MAVS: variants seen among roughly 807,000 people sequenced by gnomAD.
MAVS encodes mitochondrial antiviral signaling protein, also known as mitochondrial antiviral-signaling protein.
In MAVS, 20 loss-of-function variants were observed where a neutral mutation model predicts 30.2. The ratio of observed to expected loss-of-function variants is 0.66; its 90% confidence interval spans 0.47 to 0.96. The LOEUF (loss-of-function observed/expected upper bound fraction) is 0.96. Ranked by LOEUF, MAVS falls within the 40% of genes least tolerant of loss-of-function variation. The pLI is 0.00. For synonymous variants in MAVS, 278 were observed against 293.9 expected, an observed-to-expected ratio of 0.95 and a Z score of 0.55; for missense variants, 624 against 701.1, an observed-to-expected ratio of 0.89 and a Z score of 1.24.
intron 1 of MAVS, among the ~76,000 whole-genome samples, chr20:3,852,424 C>T (rs964654548): frequency 2.0e-5 from 3 of 152,236 alleles, no homozygotes; most frequent in East Asian, 1.9e-4. Context: ...CGGGATGATC[C>T]GATTATTATC....
chr20:3,861,743 T>TTGTG (rs111361032), intron 4 of MAVS, among the ~76,000 whole-genome samples: 17,508 of 148,798 alleles, frequency 0.12, 1,268 homozygotes, highest in Non-Finnish European at 0.17. Context: ...GACCACAGTT[T>TTGTG]TGTGTGTGTG....
chr20:3,864,331 C>G lies in MAVS; in HGVS notation c.701C>G (p.Thr234Ser), dbSNP rs768731417. 4 of 1,613,840 alleles carry G rather than the reference C, an allele frequency of 2.5e-6. No homozygotes were observed. The highest frequency in any genetic ancestry group is 3.4e-6 in the Non-Finnish European group (4 of 1,180,018). Residue 234 changes from threonine to serine, a missense_variant, in exon 6 of 7, where the codon ACC becomes AGC. Coordinates refer to ENST00000428216, the MANE Select transcript of MAVS (RefSeq NM_020746.5). ...TCCTTCCAGCCCCTGGCCCGTTCCACCCCCAGGGCAAGCCGCTTGCCTGGA... is the reference window on the plus strand; with the variant it reads ...TCCTTCCAGCCCCTGGCCCGTTCCAGCCCCAGGGCAAGCCGCTTGCCTGGA... ...SVSFQPLARS[T>S]PRASRLPGPT...
intron 3 of MAVS, among the ~76,000 whole-genome samples, chr20:3,858,566 G>A (rs144966725): frequency 0.016 from 2,385 of 151,066 alleles, 116 homozygotes; most frequent in Admixed American, 0.097. Context: ...TCAGGAGGCC[G>A]AGGCAGGAGA....
Position 3,857,672 on chromosome 20 carries a change from G to A in MAVS, c.155G>A (p.Arg52Gln), listed in dbSNP as rs1468044678. 17 of 1,614,014 alleles carry A rather than the reference G, an allele frequency of 1.1e-5. 1 individual carries two copies. In the East Asian group the frequency reaches 3.3e-4, roughly 32 times the overall value. Residue 52 changes from arginine (R) to glutamine (Q), a missense_variant, in exon 3 of 7, where the codon CGG becomes CAG. Coordinates refer to ENST00000428216, the MANE Select transcript of MAVS (RefSeq NM_020746.5). ...GCCACCTGCACACTCTCAGGGAACC[G>A]GGACACCCTCTGGCATCTCTTCAAT... ...LRATCTLSGNRDTLWHLFNTL... is the reference protein window; with the variant it reads ...LRATCTLSGNQDTLWHLFNTL...
At chr20:3,853,220 C>A (rs534810786) in intron 1 of MAVS, among the ~76,000 whole-genome samples, 6 of 148,656 alleles carry the variant, frequency 4.0e-5, no homozygotes, top group Non-Finnish European at 6.0e-5. Context: ...GGCGCGGTGG[C>A]TCACGCCTGT....
In MAVS at chr20:3,862,324, A is replaced by T. The variant is rs143917056; in HGVS notation, c.536A>T (p.Glu179Val). Residue 179 changes from glutamate (E) to valine (V), a missense_variant, in exon 5 of 7, where the codon GAG (glutamate) becomes GTG (valine). Transcript: ENST00000428216. ...IPRNPDGGPL[E>V]SSSDLAALSP... ...AGGAATCCAGATGGTGGCCCCCTGG[A>T]GTCCTCCTCTGACCTGGCAGCCCTC... 4.5e-5 allele frequency: 72 copies of T among 1,614,088 alleles called. No homozygotes were observed. In the South Asian group the frequency reaches 6.8e-4, roughly 15 times the overall value.
At position 3,864,262 on chromosome 20, in the gene MAVS, C is replaced by A; in HGVS notation, c.632C>A (p.Thr211Asn). 6.2e-7 allele frequency: 1 copy of A among 1,603,908 alleles called. No individual in the cohort carries two copies. Among genetic ancestry groups the A allele is most frequent in the African/African-American group, 1.3e-5 (1 of 74,704 alleles). ...TGTGTTTTTCCACCGGCAGGTGCGA[C>A]CTCCAGCCTCACACCATCCCGTGGG... Reference protein sequence around the residue: ...ELGSTHTAGATSSLTPSRGPV... With the variant: ...ELGSTHTAGANSSLTPSRGPV... The change falls in exon 6 of 7, where the codon ACC becomes AAC. Residue 211 changes from threonine to asparagine, a missense_variant. By Grantham distance (65) the Thr-to-Asn change is moderately conservative (BLOSUM62 0). Coordinates refer to ENST00000428216, the MANE Select transcript of MAVS (RefSeq NM_020746.5).
At position 3,862,417 on chromosome 20, in the gene MAVS, T is replaced by C; in HGVS notation, c.625+4T>C. The C allele has an allele frequency of 1.9e-6, 3 of 1,609,590 alleles. No homozygotes were observed. The highest frequency in any genetic ancestry group is 2.5e-6 in the Non-Finnish European group (3 of 1,177,942). On this transcript the variant is annotated splice_donor_region_variant and intron_variant, in intron 5 of 6. Coordinates refer to ENST00000428216, the MANE Select transcript of MAVS (RefSeq NM_020746.5). ...CTGGGCAGTACCCACACAGCAGGTATGCATGGAATCTGGAATTATAGGGTC... is the reference window on the plus strand; with the variant it reads ...CTGGGCAGTACCCACACAGCAGGTACGCATGGAATCTGGAATTATAGGGTC...
chr20:3,849,560 C>G (rs1176382857), intron 1 of MAVS, among the ~76,000 whole-genome samples: 2 of 152,166 alleles, frequency 1.3e-5, no homozygotes, highest in Non-Finnish European at 2.9e-5. Context: ...TTCAAACATG[C>G]CAAGCTCATT....
intron 1 of MAVS, among the ~76,000 whole-genome samples, chr20:3,851,990 C>CTTTTTTTTTTTTTTTTTTTTTTTTT (rs770960832): frequency 2.5e-5 from 2 of 80,488 alleles, no homozygotes; most frequent in African/African-American, 2.4e-4. Context: ...GTGTAGCAGG[C>CTTTTTTTTTTTTTTTTTTTTTTTTT]TTTTTTTTTT....
Position 3,861,418 on chromosome 20 carries a change from A to G in MAVS, c.379A>G (p.Ser127Gly). The change falls in exon 4 of 7, where the codon AGC becomes GGC. Residue 127 changes from serine (S) to glycine (G), a missense_variant. Physicochemically the swap from Ser to Gly is moderately conservative, Grantham distance 56 (BLOSUM62 0). Coordinates refer to ENST00000428216, the MANE Select transcript of MAVS (RefSeq NM_020746.5). ...PGPPTPAAAH[S>G]IPYNSCREKE... Reference sequence around the variant, plus strand: ...GCCCCCCACACCTGCTGCGGCCCACAGCATCCCCTACAACAGCTGCAGAGA... The same window carrying G: ...GCCCCCCACACCTGCTGCGGCCCACGGCATCCCCTACAACAGCTGCAGAGA... 1 of 1,614,090 alleles carries G rather than the reference A, an allele frequency of 6.2e-7. No homozygotes were observed. Among genetic ancestry groups the G allele is most frequent in the Non-Finnish European group, 8.5e-7 (1 of 1,180,008 alleles).
In MAVS at chr20:3,857,727, G is replaced by C; in HGVS notation, c.210G>C (p.Glu70Asp). 6 of 1,614,248 alleles carry C rather than the reference G, an allele frequency of 3.7e-6. No homozygotes were observed. The highest frequency in any genetic ancestry group is 5.1e-6 in the Non-Finnish European group (6 of 1,180,042). The part of the protein sequence containing the change: ...NTLQRRPGWV[E>D]YFIAALRGCE... ...TTCAGCGGCGGCCCGGCTGGGTGGA[G>C]TACTTCATTGCGGCACTGAGGGGCT... is the stretch of plus-strand genomic sequence containing the variant. The change falls in exon 3 of 7, where the codon GAG (glutamate) becomes GAC (aspartate). Residue 70 changes from glutamate (E) to aspartate (D), a missense_variant. Glu to Asp is a conservative substitution (Grantham distance 45). Transcript: ENST00000428216.
Position 3,851,379 on chromosome 20 carries a change from A to G in MAVS, c.-67-3179A>G, listed in dbSNP as rs372581273. Among the ~76,000 whole-genome samples, 25 of 150,060 alleles carry G rather than the reference A, an allele frequency of 1.7e-4. No individual in the cohort carries two copies. The East Asian group carries it at 2.0e-3, about 12-fold the overall frequency. On this transcript the variant is annotated intron_variant, in intron 1 of 6. Transcript: ENST00000428216. ...AAATTAGCCAGGCATGATGGTGGGCACGTGTAATCCCAGCTACTCGGGAGG... is the reference window on the plus strand; with the variant it reads ...AAATTAGCCAGGCATGATGGTGGGCGCGTGTAATCCCAGCTACTCGGGAGG...
chr20:3,852,122 G>C (rs1181511071), intron 1 of MAVS, among the ~76,000 whole-genome samples: 2 of 150,992 alleles, frequency 1.3e-5, no homozygotes, highest in African/African-American at 2.4e-5. Context: ...AGCCTCCCGA[G>C]TAGCTGGGAC....
Position 3,867,239 on chromosome 20 carries a change from G to GTTT in MAVS, c.*1093_*1094insTTT, listed in dbSNP as rs2089916294. The GTTT allele has an allele frequency of 2.8e-6, 1 of 359,764 alleles. No homozygotes were observed. The highest frequency in any genetic ancestry group is 2.1e-5 in the South Asian group (1 of 48,424). The allele number at this position is 359,764 out of a possible 1,614,324, so 22.3% of individuals were successfully genotyped here. ...CCTTGGGCAAGGGATTTATCTGTCT[G>GTTT]TCCCTTAGTTTTCTCACCTGTAAAA... On this transcript the variant is annotated 3_prime_UTR_variant, in exon 7 of 7. Coordinates refer to ENST00000428216, the MANE Select transcript of MAVS (RefSeq NM_020746.5).
chr20:3,862,735 C>A (rs1182800016), intron 5 of MAVS, among the ~76,000 whole-genome samples: 2 of 152,142 alleles, frequency 1.3e-5, no homozygotes. Flanking sequence ...CAAGTACTCA[C>A]CGGTATATAC....
At chr20:3,859,856 G>A (rs529576242) in intron 3 of MAVS, among the ~76,000 whole-genome samples, 16 of 151,440 alleles carry the variant, frequency 1.1e-4, no homozygotes, top group South Asian at 2.1e-4. Flanking sequence ...TCGCTCTGTC[G>A]CCCAGGCTGG....
rs1172271812 is a variant in MAVS at position 3,864,354 on chromosome 20, G to A, written c.724G>A (p.Gly242Arg). 4 of 1,614,080 alleles carry A rather than the reference G, an allele frequency of 2.5e-6. No homozygotes were observed. The highest frequency in any genetic ancestry group is 3.4e-6 in the Non-Finnish European group (4 of 1,180,010). ...RSTPRASRLP[G>R]PTGSVVSTGT... ...CACCCCCAGGGCAAGCCGCTTGCCT[G>A]GACCCACAGGGTCAGTTGTATCTAC... Residue 242 changes from glycine to arginine, a missense_variant, in exon 6 of 7, where the codon GGA becomes AGA. Transcript: ENST00000428216.
At position 3,870,634 on chromosome 20, in the gene MAVS, T is replaced by TACA. The variant is rs2089947019; in HGVS notation, c.*4488_*4489insCAA. The TACA allele has an allele frequency of 3.4e-5, 1 of 29,484 alleles. No individual in the cohort carries two copies. Among genetic ancestry groups the TACA allele is most frequent in the Non-Finnish European group, 6.9e-5 (1 of 14,492 alleles). The allele number at this position is 29,484 out of a possible 1,614,324, so 1.8% of individuals were successfully genotyped here. On this transcript the variant is annotated 3_prime_UTR_variant, in exon 7 of 7. Coordinates refer to ENST00000428216, the MANE Select transcript of MAVS (RefSeq NM_020746.5). Reference sequence around the variant, plus strand: ...GGGCAACAAAGCAAGACCCTATCTCTAAAAAAAAAAAAAAAAAAAAAAAAA... The same window carrying TACA: ...GGGCAACAAAGCAAGACCCTATCTCTACAAAAAAAAAAAAAAAAAAAAAAAAAA...
Sources: gnomAD v4.1 joint callset for allele counts (sites outside exome capture counted in the v4.1 genomes callset) on GRCh38, gnomAD v4.1.1 for gene constraint, MANE v1.5 for transcripts, NCBI Gene and HGNC (gene_info 2026-07-23, HGNC 2026-07-21) for gene names.